CUX2: variants seen among roughly 807,000 people sequenced by gnomAD.
The protein encoded by CUX2 is cut like homeobox 2, also known as homeobox protein cut-like 2.
Under a neutral mutation model 144.8 loss-of-function variants are expected in CUX2, and 40 were observed. The observed-to-expected ratio is 0.28, with a 90% CI of 0.21 to 0.36. CUX2 has a LOEUF of 0.36. Ranked by LOEUF, CUX2 falls within the 10% of genes least tolerant of loss-of-function variation. CUX2 has a pLI of 1.00. For missense variants in CUX2, 1,615 were observed against 1,994.0 expected, an observed-to-expected ratio of 0.81 and a Z score of 3.62; for synonymous variants, 827 against 875.6, an observed-to-expected ratio of 0.94 and a Z score of 0.98.
rs772003882 is a variant in CUX2, at chr12:111,347,582, C to T, written c.3718C>T (p.Pro1240Ser). ...GACCCAGGATGAGCCAGACCTTGATCCAAGCGGGGGTCCTGGAATCCTACC... is the reference window on the plus strand; with the variant it reads ...GACCCAGGATGAGCCAGACCTTGATTCAAGCGGGGGTCCTGGAATCCTACC... Reference protein sequence around the residue: ...EGTQDEPDLDPSGGPGILPPG... With the variant: ...EGTQDEPDLDSSGGPGILPPG... The change falls in exon 22 of 22, where the codon CCA (proline) becomes TCA (serine). Residue 1240 changes from proline to serine, a missense_variant. Transcript: ENST00000261726. 6.2e-7 allele frequency: 1 copy of T among 1,612,950 alleles called. No individual in the cohort carries two copies. The highest frequency in any genetic ancestry group is 8.5e-7 in the Non-Finnish European group (1 of 1,179,608).
At chr12:111,151,084 TGAA>T (rs1448293456) in intron 1 of CUX2, among the ~76,000 whole-genome samples, 1 of 152,182 alleles carries the variant, frequency 6.6e-6, no homozygotes, top group African/African-American at 2.4e-5. Flanking sequence ...AGCAGTAAAA[TGAA>T]GAACTATAGC....
intron 1 of CUX2, among the ~76,000 whole-genome samples, chr12:111,143,412 G>A (rs1229802646): frequency 6.6e-6 from 1 of 152,134 alleles, no homozygotes; most frequent in African/African-American, 2.4e-5. Flanking sequence ...CGCACCAGGC[G>A]TCGTCCACGT....
At chr12:111,194,649 G>A (rs974056314) in intron 1 of CUX2, among the ~76,000 whole-genome samples, 1 of 152,228 alleles carries the variant, frequency 6.6e-6, no homozygotes. Context: ...TCATTCCAGG[G>A]CATCACCTCG....
intron 18 of CUX2, among the ~76,000 whole-genome samples, chr12:111,332,620 C>T (rs916607973): frequency 7.3e-6 from 1 of 136,352 alleles, no homozygotes; most frequent in Non-Finnish European, 1.5e-5. Flanking sequence ...TTTAACTTTT[C>T]GTTTTGAGGT....
At chr12:111,101,679 G>A (rs563062109) in intron 1 of CUX2, among the ~76,000 whole-genome samples, 1 of 152,210 alleles carries the variant, frequency 6.6e-6, no homozygotes, top group African/African-American at 2.4e-5. Flanking sequence ...CCTTGGGCAT[G>A]TTGCTGAGCT....
At chr12:111,309,946 T>C (rs943700182) in intron 14 of CUX2, 95 bp from the exon 15 acceptor site, 1 of 1,109,694 alleles carries the variant, frequency 9.0e-7, no homozygotes, top group Non-Finnish European at 1.2e-6. Flanking sequence ...TCTCTCTGTC[T>C]CTCTCCCCCT....
chr12:111,120,999 C>T (rs575573522), intron 1 of CUX2, among the ~76,000 whole-genome samples: 3 of 152,002 alleles, frequency 2.0e-5, no homozygotes, highest in South Asian at 4.2e-4. Context: ...TTTCCAGATT[C>T]CTGCCTGTCA....
rs1180503290 is a variant in CUX2, at chr12:111,338,351, C to T, written c.3262C>T (p.Arg1088Trp). 1 of 1,613,962 alleles carries T rather than the reference C, an allele frequency of 6.2e-7. No individual in the cohort carries two copies. The highest frequency in any genetic ancestry group is 8.5e-7 in the Non-Finnish European group (1 of 1,180,026). ...GGGCTCCGTGTCTGACCTGCTGTCCCGGCCCAAACCCTGGCACAAGCTGAG... is the reference window on the plus strand; with the variant it reads ...GGGCTCCGTGTCTGACCTGCTGTCCTGGCCCAAACCCTGGCACAAGCTGAG... ...TQGSVSDLLS[R>W]PKPWHKLSLK... Residue 1088 changes from arginine to tryptophan, a missense_variant, in exon 20 of 22, where the codon CGG becomes TGG. This residue lies in a region of CUX2 where 131 missense variants were observed against 223.1 expected (regional missense o/e 0.59). Transcript: ENST00000261726.
At chr12:111,069,564 G>A (rs181000577) in intron 1 of CUX2, among the ~76,000 whole-genome samples, 75 of 151,990 alleles carry the variant, frequency 4.9e-4, no homozygotes, top group Non-Finnish European at 5.9e-5. Flanking sequence ...GCGCGCGTGT[G>A]TGTGTGTTAT....
At chr12:111,151,022 C>T (rs1877018709) in intron 1 of CUX2, among the ~76,000 whole-genome samples, 1 of 152,172 alleles carries the variant, frequency 6.6e-6, no homozygotes, top group South Asian at 2.1e-4. Context: ...AAACACCCTT[C>T]CTATGTTTGG....
chr12:111,334,835 AG>A, intron 19 of CUX2, 125 bp downstream of exon 19: 1 of 1,076,540 alleles, frequency 9.3e-7, no homozygotes, highest in Non-Finnish European at 1.3e-6. Flanking sequence ...TTGGGAGGCC[AG>A]GGAGGGAGGA....
chr12:111,291,373 TATCC>T (rs772717692), intron 4 of CUX2, 41 bp from the exon 5 acceptor site: 1 of 1,552,346 alleles, frequency 6.4e-7, no homozygotes, highest in Admixed American at 1.9e-5. Flanking sequence ...CGGGTGTCCC[TATCC>T]ATCAGGCCCT....
At chr12:111,042,851 G>A (rs1167639772) in intron 1 of CUX2, among the ~76,000 whole-genome samples, 2 of 149,642 alleles carry the variant, frequency 1.3e-5, no homozygotes, top group African/African-American at 2.5e-5. Flanking sequence ...ACCCAGGCTA[G>A]TCTCGAACTC....
chr12:111,322,005 A>C lies in CUX2; in HGVS notation c.2767-416A>C, dbSNP rs1014751892. Among the ~76,000 whole-genome samples the C allele has an allele frequency of 2.6e-5, 4 of 151,494 alleles. No individual in the cohort carries two copies. The highest frequency in any genetic ancestry group is 1.3e-4 in the Admixed American group (2 of 15,180). ...TGAGGAACAAATGAAGGCCGCCTGG[A>C]CTCCAACAGAGGGGAGGGGAGGGGA... is the stretch of plus-strand genomic sequence containing the variant. On this transcript the variant is annotated intron_variant, in intron 17 of 21. Transcript: ENST00000261726. This position sits in a 1 kb window ranked among gnomAD's most constrained non-coding sequence, Gnocchi z 4.2.
chr12:111,212,538 G>C (rs1468139757), intron 1 of CUX2, among the ~76,000 whole-genome samples: 1 of 152,112 alleles, frequency 6.6e-6, no homozygotes, highest in South Asian at 2.1e-4. Context: ...ATAGGTAATT[G>C]TTCTATTTTT....
rs543481159 is a variant in CUX2 at position 111,171,543 on chromosome 12, G to A, written c.64-42657G>A. On this transcript the variant is annotated intron_variant, in intron 1 of 21. Coordinates refer to ENST00000261726, the MANE Select transcript of CUX2 (RefSeq NM_015267.4). This position sits in a 1 kb window ranked among gnomAD's most constrained non-coding sequence, Gnocchi z 5.0. ...ACCCCGGTCCCGTGTCCCTGTGCACGCAGATGGCTAGTGGCTCAGTGGGTC... is the reference window on the plus strand; with the variant it reads ...ACCCCGGTCCCGTGTCCCTGTGCACACAGATGGCTAGTGGCTCAGTGGGTC... Among the ~76,000 whole-genome samples the A allele has an allele frequency of 1.4e-4, 21 of 152,222 alleles. 1 individual carries two copies. The South Asian group carries it at 3.9e-3, about 29-fold the overall frequency.
rs1592977358 is a variant in CUX2, at chr12:111,330,730, T to TATATATACATATAC, written c.2927-3704_2927-3703insCATATACATATATA. Reference sequence around the variant, plus strand: ...ATATATATATATATATATATATATATATATATATATATATATATATAAAGA... The same window carrying TATATATACATATAC: ...ATATATATATATATATATATATATATATATATACATATACATATATATATATATATATATAAAGA... On this transcript the variant is annotated intron_variant, in intron 18 of 21. Coordinates refer to ENST00000261726, the MANE Select transcript of CUX2 (RefSeq NM_015267.4). 2.9e-4 allele frequency among the ~76,000 whole-genome samples: 15 copies of TATATATACATATAC among 51,570 alleles called. 1 individual carries two copies. The highest frequency in any genetic ancestry group is 2.0e-3 in the East Asian group (6 of 2,988). 33.8% of individuals were successfully genotyped at this position (51,570 alleles called of 152,430 possible).
chr12:111,119,581 GTACT>G (rs1435134069), intron 1 of CUX2, among the ~76,000 whole-genome samples: 4 of 152,184 alleles, frequency 2.6e-5, no homozygotes, highest in African/African-American at 7.2e-5. Flanking sequence ...AGTTTTAACT[GTACT>G]TACTCATCTG....
At chr12:111,151,214 T>C (rs1053813187) in intron 1 of CUX2, among the ~76,000 whole-genome samples, 2 of 152,232 alleles carry the variant, frequency 1.3e-5, no homozygotes, top group African/African-American at 4.8e-5. Context: ...CTGTCAGCTA[T>C]TCCGGTTTCA....
Sources: gnomAD v4.1 joint callset for allele counts (sites outside exome capture counted in the v4.1 genomes callset) on GRCh38, gnomAD v4.1.1 for gene constraint, gnomAD v4.1.1 regional missense constraint, Gnocchi (gnomAD v3.1) non-coding constraint, MANE v1.5 for transcripts, NCBI Gene and HGNC (gene_info 2026-07-23, HGNC 2026-07-21) for gene names.